SH3RF3: variants seen among roughly 807,000 people sequenced by gnomAD.
SH3RF3 encodes SH3 domain containing ring finger 3.
A neutral mutation model predicts 66.3 loss-of-function variants in SH3RF3; 29 were observed. The ratio of observed to expected loss-of-function variants is 0.44; its 90% CI spans 0.33 to 0.60. SH3RF3 has a LOEUF of 0.60. Among genes scored for constraint, SH3RF3 ranks in the 20% least tolerant of loss-of-function variants. The pLI is 0.04. For missense variants in SH3RF3, 1,194 were observed against 1,190.9 expected (o/e 1.00, Z -0.04); for synonymous variants, 583 against 532.0 (o/e 1.10, Z -1.32).
intron 1 of SH3RF3, among the ~76,000 whole-genome samples, chr2:109,163,843 C>T (rs1159850547): frequency 2.0e-5 from 3 of 152,208 alleles, no homozygotes; most frequent in Non-Finnish European, 2.9e-5. Flanking sequence ...TTTCCATGAT[C>T]TCTCTGGTCT....
intron 1 of SH3RF3, among the ~76,000 whole-genome samples, chr2:109,130,380 C>G (rs769817083): frequency 3.4e-4 from 52 of 152,242 alleles, no homozygotes; most frequent in Non-Finnish European, 6.9e-4. Context: ...CTTGGCCGGA[C>G]TTGTTACCCT....
intron 8 of SH3RF3, among the ~76,000 whole-genome samples, chr2:109,460,403 C>A (rs780196403): frequency 4.7e-4 from 72 of 152,194 alleles, no homozygotes; most frequent in African/African-American, 1.7e-3. Flanking sequence ...TTGTTCTCTG[C>A]TGCTGGTGGA....
intron 1 of SH3RF3, among the ~76,000 whole-genome samples, chr2:109,133,722 ATTTT>A (rs35011575): frequency 3.9e-5 from 5 of 128,832 alleles, no homozygotes; most frequent in African/African-American, 5.5e-5. Context: ...CCAAGGGACA[ATTTT>A]TTTTTTTTTT....
intron 3 of SH3RF3, among the ~76,000 whole-genome samples, chr2:109,372,394 G>GC (rs1357997342): frequency 6.6e-6 from 1 of 152,172 alleles, no homozygotes; most frequent in East Asian, 1.9e-4. Flanking sequence ...TCAGTGCAAG[G>GC]CCACATGTGC....
At chr2:109,449,092 TGCATTGC>T in intron 7 of SH3RF3, 71 bp from the exon 8 acceptor site, 4 of 1,496,994 alleles carry the variant, frequency 2.7e-6, no homozygotes, top group Admixed American at 2.0e-5. Flanking sequence ...AGCCTGAGTG[TGCATTGC>T]AGCTGCCTGG....
intron 1 of SH3RF3, among the ~76,000 whole-genome samples, chr2:109,222,975 C>T (rs1259796522): frequency 6.6e-6 from 1 of 152,252 alleles, no homozygotes; most frequent in African/African-American, 2.4e-5. Flanking sequence ...CTCCCATCAA[C>T]AGGGTCTGTA....
chr2:109,332,672 G>T (rs1169393165), intron 1 of SH3RF3, among the ~76,000 whole-genome samples: 1 of 152,178 alleles, frequency 6.6e-6, no homozygotes, highest in Admixed American at 6.5e-5. Flanking sequence ...AGGAAAGGAT[G>T]GGGCGATGAG....
At chr2:109,410,787 A>G (rs909728488) in intron 4 of SH3RF3, among the ~76,000 whole-genome samples, 2 of 152,220 alleles carry the variant, frequency 1.3e-5, no homozygotes, top group Admixed American at 6.5e-5. Flanking sequence ...TTTCCTGGGC[A>G]TGGGCTGCTA....
At chr2:109,395,077 A>G (rs1251293035) in intron 3 of SH3RF3, among the ~76,000 whole-genome samples, 1 of 152,216 alleles carries the variant, frequency 6.6e-6, no homozygotes, top group Non-Finnish European at 1.5e-5. Context: ...TTGTGAAGAC[A>G]ATGAAAACTT....
At chr2:109,479,810 A>C (rs530721774) in intron 8 of SH3RF3, among the ~76,000 whole-genome samples, 1 of 152,152 alleles carries the variant, frequency 6.6e-6, no homozygotes, top group African/African-American at 2.4e-5. Flanking sequence ...CAGACCCCCA[A>C]AACCATCCAC....
intron 8 of SH3RF3, among the ~76,000 whole-genome samples, chr2:109,488,383 A>T (rs1248907431): frequency 6.6e-6 from 1 of 152,040 alleles, no homozygotes; most frequent in Non-Finnish European, 1.5e-5. Context: ...CTCATCAAGA[A>T]CTCTTGCTGT....
rs1366817134 is a variant in SH3RF3, at chr2:109,501,581, C to T, written c.2559C>T (p.His853=). 2 of 779,778 alleles carry T rather than the reference C, an allele frequency of 2.6e-6. No homozygotes were observed. Among genetic ancestry groups the T allele is most frequent in the South Asian group, 2.7e-5 (2 of 74,174 alleles). The allele number at this position is 779,778 out of a possible 1,614,324, so 48.3% of individuals were successfully genotyped here. Residue 853 remains histidine, a synonymous_variant, in exon 10 of 10, where the codon CAC becomes CAT. Coordinates refer to ENST00000309415, the MANE Select transcript of SH3RF3 (RefSeq NM_001099289.3). ...AGGAAGGCGACATCGTCTTTGTGCA[C>T]AAGAAGCGTGAGGACGGCTGGTACA... is the stretch of plus-strand genomic sequence containing the variant. ...ELKEGDIVFV[H]KKREDGWYKG...
At chr2:109,140,212 G>A (rs759116852) in intron 1 of SH3RF3, among the ~76,000 whole-genome samples, 14 of 152,182 alleles carry the variant, frequency 9.2e-5, no homozygotes, top group Admixed American at 1.3e-4. Flanking sequence ...ATTGATGCAC[G>A]TGGTTGCATG....
At chr2:109,397,021 G>T (rs1676166595) in intron 3 of SH3RF3, among the ~76,000 whole-genome samples, 1 of 152,176 alleles carries the variant, frequency 6.6e-6, no homozygotes, top group African/African-American at 2.4e-5. Context: ...CCTACCTGCA[G>T]TTTTCGGAAA....
chr2:109,440,182 T>A (rs891099450), intron 7 of SH3RF3, among the ~76,000 whole-genome samples: 1 of 152,138 alleles, frequency 6.6e-6, no homozygotes, highest in African/African-American at 2.4e-5. Flanking sequence ...AGAAGTCCAG[T>A]GTGTAGATGA....
chr2:109,297,504 C>T (rs944095195), intron 1 of SH3RF3, among the ~76,000 whole-genome samples: 1 of 152,016 alleles, frequency 6.6e-6, no homozygotes, highest in Non-Finnish European at 1.5e-5. Context: ...AGACCAGTGC[C>T]TCCGACCCAA....
intron 1 of SH3RF3, among the ~76,000 whole-genome samples, chr2:109,159,110 C>T (rs886625092): frequency 6.7e-6 from 1 of 149,742 alleles, no homozygotes; most frequent in Non-Finnish European, 1.5e-5. Flanking sequence ...GAGTGAGATT[C>T]GGTCTCAAAA....
chr2:109,209,070 G>T (rs1326650860), intron 1 of SH3RF3, among the ~76,000 whole-genome samples: 1 of 152,194 alleles, frequency 6.6e-6, no homozygotes, highest in Non-Finnish European at 1.5e-5. Context: ...ACTTTCCGTG[G>T]CAGCCAGTAC....
At chr2:109,307,430 T>TTTA (rs1553502425) in intron 1 of SH3RF3, among the ~76,000 whole-genome samples, 10 of 132,290 alleles carry the variant, frequency 7.6e-5, no homozygotes, top group Admixed American at 5.8e-4. Context: ...ACTTTTTTTT[T>TTTA]TTATTATTAT....
Sources: allele counts gnomAD v4.1 joint callset (sites outside exome capture counted in the v4.1 genomes callset), GRCh38; gene constraint gnomAD v4.1.1; transcripts MANE v1.5; gene names NCBI Gene and HGNC (gene_info 2026-07-23, HGNC 2026-07-21).